Variants in ACOXL observed in about 807,000 individuals in gnomAD.
ACOXL encodes acyl-coenzyme A oxidase-like protein.
Under a neutral mutation model 71.9 loss-of-function variants are expected in ACOXL, and 70 were observed. The observed-to-expected ratio is 0.97, with a 90% confidence interval of 0.80 to 1.19. ACOXL has a LOEUF of 1.19. ACOXL is among the 50% of genes most tolerant of loss of function. The pLI is 0.00. For missense variants in ACOXL, 703 were observed against 736.3 expected, an observed-to-expected ratio of 0.95 and a Z score of 0.52; for synonymous variants, 253 against 281.6, an observed-to-expected ratio of 0.90 and a Z score of 1.02.
At chr2:111,020,368 G>A (rs2064691460) in intron 14 of ACOXL, among the ~76,000 whole-genome samples, 2 of 152,192 alleles carry the variant, frequency 1.3e-5, no homozygotes, top group African/African-American at 4.8e-5. Context: ...CGGCTTGGTG[G>A]GAGCTCCCAG....
intron 17 of ACOXL, among the ~76,000 whole-genome samples, chr2:111,101,602 G>A (rs533182361): frequency 4.7e-4 from 71 of 151,670 alleles, no homozygotes; most frequent in Admixed American, 3.4e-3. Flanking sequence ...GGGGTTTCTC[G>A]GTCACTCACC....
intron 14 of ACOXL, among the ~76,000 whole-genome samples, chr2:111,018,358 C>T (rs2064564417): frequency 6.6e-6 from 1 of 152,168 alleles, no homozygotes; most frequent in South Asian, 2.1e-4. Flanking sequence ...CCTATCATCC[C>T]CAGGCAGAGA....
At chr2:110,911,318 C>G (rs1236076298) in intron 11 of ACOXL, among the ~76,000 whole-genome samples, 2 of 152,030 alleles carry the variant, frequency 1.3e-5, no homozygotes, top group African/African-American at 2.4e-5. Flanking sequence ...AATATCAGTC[C>G]TCCACAAACT....
chr2:110,848,445 C>G (rs981812860), intron 10 of ACOXL, among the ~76,000 whole-genome samples: 1 of 152,156 alleles, frequency 6.6e-6, no homozygotes, highest in Non-Finnish European at 1.5e-5. Context: ...AAAATATTGC[C>G]CCTAAATGGC....
chr2:110,887,066 C>T, intron 10 of ACOXL: 1 of 491,234 alleles, frequency 2.0e-6, no homozygotes, highest in Non-Finnish European at 3.5e-6. Context: ...GTGTATGTCT[C>T]TCCAGGCAGA....
At chr2:111,014,440 CTA>C (rs2064330812) in intron 14 of ACOXL, among the ~76,000 whole-genome samples, 1 of 152,146 alleles carries the variant, frequency 6.6e-6, no homozygotes. Context: ...TATCTGTACA[CTA>C]AAGACTACGT....
At chr2:110,806,970 G>C (rs183071138) in intron 9 of ACOXL, among the ~76,000 whole-genome samples, 1 of 152,126 alleles carries the variant, frequency 6.6e-6, no homozygotes, top group South Asian at 2.1e-4. Context: ...GGAGCGGGGT[G>C]GGGGTGGTGT....
At chr2:110,930,303 A>G (rs1019625257) in intron 11 of ACOXL, among the ~76,000 whole-genome samples, 12 of 152,310 alleles carry the variant, frequency 7.9e-5, no homozygotes, top group African/African-American at 2.9e-4. Flanking sequence ...CTGGACTGTG[A>G]ACTTACAGGG....
chr2:110,899,872 C>A (rs1391303408), intron 10 of ACOXL, among the ~76,000 whole-genome samples: 1 of 152,108 alleles, frequency 6.6e-6, no homozygotes, highest in Non-Finnish European at 1.5e-5. Flanking sequence ...AACATTCAGG[C>A]TCCTCTCTAG....
intron 2 of ACOXL, among the ~76,000 whole-genome samples, chr2:110,782,042 A>G (rs1331200395): frequency 6.6e-6 from 1 of 152,234 alleles, no homozygotes; most frequent in African/African-American, 2.4e-5. Context: ...CATGGACTGT[A>G]ATTTAGGATA....
chr2:111,086,486 A>G (rs948844101), intron 16 of ACOXL, among the ~76,000 whole-genome samples: 8 of 152,216 alleles, frequency 5.3e-5, no homozygotes, highest in Admixed American at 1.3e-4. Flanking sequence ...CAGTAGATGC[A>G]GATGAAATTC....
chr2:110,907,198 C>G (rs571842965), intron 10 of ACOXL, among the ~76,000 whole-genome samples: 1 of 152,300 alleles, frequency 6.6e-6, no homozygotes, highest in Admixed American at 6.5e-5. Flanking sequence ...CTTGCTGTGT[C>G]CTCACATGGT....
intron 12 of ACOXL, among the ~76,000 whole-genome samples, chr2:110,975,804 A>G (rs2062417821): frequency 1.3e-5 from 2 of 149,152 alleles, no homozygotes; most frequent in Non-Finnish European, 2.9e-5. Context: ...AAAAATAAAG[A>G]TTGCAAAAAA....
chr2:110,860,979 A>G (rs964978886), intron 10 of ACOXL, among the ~76,000 whole-genome samples: 44 of 152,308 alleles, frequency 2.9e-4, no homozygotes, highest in African/African-American at 1.0e-3. Context: ...TCTAGGAGTA[A>G]CAAGGCATAC....
intron 5 of ACOXL, among the ~76,000 whole-genome samples, chr2:110,797,438 G>C (rs1204135878): frequency 2.0e-5 from 3 of 152,164 alleles, no homozygotes; most frequent in African/African-American, 7.2e-5. Flanking sequence ...GCATTGATCA[G>C]GGAAATAGAG....
intron 13 of ACOXL, among the ~76,000 whole-genome samples, chr2:110,993,856 G>T (rs929190089): frequency 2.0e-5 from 3 of 152,106 alleles, no homozygotes; most frequent in Non-Finnish European, 4.4e-5. Flanking sequence ...TATGGTTTCC[G>T]TTTGCATTTC....
At chr2:110,968,799 GA>G in intron 12 of ACOXL, 1 of 338,434 alleles carries the variant, frequency 3.0e-6, no homozygotes, top group Non-Finnish European at 5.2e-6. Context: ...AAAAAGAACT[GA>G]AAAACATAAC....
At chr2:110,997,025 A>G (rs1222163986) in intron 14 of ACOXL, among the ~76,000 whole-genome samples, 1 of 152,332 alleles carries the variant, frequency 6.6e-6, no homozygotes, top group African/African-American at 2.4e-5. Flanking sequence ...TTGGGTTTAA[A>G]TCACTCCACA....
chr2:110,946,417 A>G (rs538850771), intron 12 of ACOXL, among the ~76,000 whole-genome samples: 14 of 152,200 alleles, frequency 9.2e-5, no homozygotes, highest in Admixed American at 3.3e-4. Flanking sequence ...TTCCAGTACT[A>G]TGCTGAATAT....
Sources: allele counts gnomAD v4.1 joint callset (sites outside exome capture counted in the v4.1 genomes callset), GRCh38; gene constraint gnomAD v4.1.1; transcripts MANE v1.5; gene names NCBI Gene and HGNC (gene_info 2026-07-23, HGNC 2026-07-21).